AFG3L2: variants seen among roughly 807,000 people sequenced by gnomAD.
The protein encoded by AFG3L2 is AFG3 like matrix AAA peptidase subunit 2.
AFG3L2 carries 54 observed loss-of-function variants against 94.5 expected under a neutral mutation model. That is an observed-to-expected ratio of 0.57 (90% CI 0.46 to 0.72). The LOEUF is 0.72. Ranked by LOEUF, AFG3L2 falls within the 30% of genes least tolerant of loss-of-function variation. The pLI, the probability that AFG3L2 is intolerant of heterozygous loss-of-function variation, is 0.00. For synonymous variants in AFG3L2, 377 were observed against 365.5 expected, an observed-to-expected ratio of 1.03 and a Z score of -0.36; for missense variants, 754 against 994.9, an observed-to-expected ratio of 0.76 and a Z score of 3.26.
At chr18:12,373,713 G>A (rs1002667022) in intron 1 of AFG3L2, among the ~76,000 whole-genome samples, 2 of 152,134 alleles carry the variant, frequency 1.3e-5, no homozygotes, top group Non-Finnish European at 2.9e-5. Flanking sequence ...GGCAGGAGAA[G>A]GTGCTACATC....
Position 12,344,697 on chromosome 18 carries a change from G to A in AFG3L2, c.1664-450C>T, listed in dbSNP as rs868640721. On this transcript the variant is annotated intron_variant, in intron 13 of 16. Transcript: ENST00000269143. ...TCAAAAAAAAAAAAAATTAAATTAA[G>A]TTAAAAATTTTTTTAAAAAATTAAA... 4.1e-3 allele frequency among the ~76,000 whole-genome samples: 595 copies of A among 144,378 alleles called. 2 individuals are homozygous for A. The highest frequency in any genetic ancestry group is 0.017 in the African/African-American group (576 of 34,572). The allele number at this position is 144,378 out of a possible 152,430, so 94.7% of individuals were successfully genotyped here.
chr18:12,334,494 A>G (rs530676052), intron 16 of AFG3L2, among the ~76,000 whole-genome samples: 153 of 152,210 alleles, frequency 1.0e-3, no homozygotes, highest in African/African-American at 3.6e-3. Flanking sequence ...ACCTCTGTTC[A>G]TATTCTGATT....
At chr18:12,333,066 T>A (rs1162589929) in intron 16 of AFG3L2, among the ~76,000 whole-genome samples, 7 of 5,054 alleles carry the variant, frequency 1.4e-3, no homozygotes, top group South Asian at 0.033. Context: ...GATTATAATC[T>A]ATTATATAAC....
intron 9 of AFG3L2, among the ~76,000 whole-genome samples, chr18:12,353,575 C>T (rs1477371624): frequency 1.4e-5 from 2 of 146,656 alleles, no homozygotes; most frequent in African/African-American, 2.5e-5. Context: ...CATGTGCAGA[C>T]AATCTTTTTG....
At position 12,371,633 on chromosome 18, in the gene AFG3L2, A is replaced by G. The variant is rs779882681; in HGVS notation, c.173T>C (p.Ile58Thr). The G allele has an allele frequency of 1.3e-5, 21 of 1,614,016 alleles. No homozygotes were observed. The African/African-American group carries it at 1.9e-4, about 14-fold the overall frequency. ...RASRNSLLTD[I>T]IAAYQRFCSR... Reference sequence around the variant, plus strand: ...ACAGAATCTTTGATAAGCAGCAATTATATCTGTCAAAAGAGAATTTCTGCT... The same window carrying G: ...ACAGAATCTTTGATAAGCAGCAATTGTATCTGTCAAAAGAGAATTTCTGCT... Residue 58 changes from isoleucine (I) to threonine (T), a missense_variant, in exon 2 of 17, where the codon ATA becomes ACA. Coordinates refer to ENST00000269143, the MANE Select transcript of AFG3L2 (RefSeq NM_006796.3).
intron 7 of AFG3L2, among the ~76,000 whole-genome samples, chr18:12,359,308 G>A (rs1231366028): frequency 6.6e-6 from 1 of 152,138 alleles, no homozygotes; most frequent in Non-Finnish European, 1.5e-5. Flanking sequence ...GGCACTCTTT[G>A]ATACAAAGGG....
intron 16 of AFG3L2, among the ~76,000 whole-genome samples, chr18:12,331,658 G>A (rs2143082164): frequency 6.6e-6 from 1 of 152,204 alleles, no homozygotes; most frequent in African/African-American, 2.4e-5. Context: ...GCCTGGCGTT[G>A]TGGCACCTGC....
intron 16 of AFG3L2, among the ~76,000 whole-genome samples, chr18:12,334,212 A>G (rs984965447): frequency 4.6e-5 from 7 of 152,196 alleles, no homozygotes; most frequent in African/African-American, 1.7e-4. Flanking sequence ...CACGTGGCTC[A>G]TTCTCTCTGA....
chr18:12,371,774 A>T (rs1040221454), intron 1 of AFG3L2, 83 bp from the exon 2 acceptor site: 71 of 1,114,758 alleles, frequency 6.4e-5, no homozygotes, highest in Non-Finnish European at 8.9e-5. Flanking sequence ...CATAAAGTAG[A>T]TGAAAGGTCT....
intron 8 of AFG3L2, among the ~76,000 whole-genome samples, chr18:12,357,042 G>C (rs183122850): frequency 6.6e-6 from 1 of 152,234 alleles, no homozygotes; most frequent in East Asian, 1.9e-4. Context: ...AATTTGGTAA[G>C]AATGTGAAAT....
At chr18:12,333,107 AACTATTATATAATAGATTATATATATAAT>A (rs1907619704) in intron 16 of AFG3L2, among the ~76,000 whole-genome samples, 2 of 59,018 alleles carry the variant, frequency 3.4e-5, no homozygotes, top group Admixed American at 5.6e-4. Context: ...TCTATTATAT[AACTATTATATAATAGATTATATATATAAT>A]ATATATAATA....
chr18:12,367,738 T>A (rs897887870), intron 3 of AFG3L2, among the ~76,000 whole-genome samples: 1 of 152,198 alleles, frequency 6.6e-6, no homozygotes, highest in Admixed American at 6.6e-5. Flanking sequence ...TGCAAATTCC[T>A]CAGTCCCCAC....
At chr18:12,362,163 T>C (rs891955802) in intron 6 of AFG3L2, among the ~76,000 whole-genome samples, 1 of 152,218 alleles carries the variant, frequency 6.6e-6, no homozygotes, top group African/African-American at 2.4e-5. Flanking sequence ...CATTTAAGCA[T>C]TAAGCCCTTC....
intron 3 of AFG3L2, among the ~76,000 whole-genome samples, chr18:12,368,416 A>T (rs1007163355): frequency 6.6e-6 from 1 of 152,084 alleles, no homozygotes; most frequent in Non-Finnish European, 1.5e-5. Flanking sequence ...CACTCCCACA[A>T]AGTATACATT....
chr18:12,331,796 A>C (rs1243150139), intron 16 of AFG3L2, among the ~76,000 whole-genome samples: 1 of 145,794 alleles, frequency 6.9e-6, no homozygotes, highest in African/African-American at 2.7e-5. Flanking sequence ...TCTGTCTAAA[A>C]GTAAATAAAT....
chr18:12,347,712 G>A (rs1908189648), intron 13 of AFG3L2, among the ~76,000 whole-genome samples: 1 of 151,996 alleles, frequency 6.6e-6, no homozygotes, highest in Non-Finnish European at 1.5e-5. Context: ...CACCATGCCT[G>A]GCTAATCTTT....
chr18:12,374,957 G>A (rs1161012120), intron 1 of AFG3L2, among the ~76,000 whole-genome samples: 2 of 151,596 alleles, frequency 1.3e-5, no homozygotes, highest in East Asian at 3.9e-4. Flanking sequence ...TCGGGAGGCT[G>A]AGGCAGGAGA....
chr18:12,348,521 G>C (rs1290831693), intron 12 of AFG3L2, 138 bp from the exon 13 acceptor site: 5 of 730,146 alleles, frequency 6.8e-6, no homozygotes, highest in Non-Finnish European at 1.2e-5. Flanking sequence ...ATATAATTCT[G>C]TTTTGACTCA....
Position 12,358,894 on chromosome 18 carries a change from G to GC in AFG3L2, c.801dup (p.Leu268AlafsTer35). ...GCAGGCCCTCTTCTGATGGTGTAGA[G>GC]CAAGAAGGCGATGATGAGCACCGTA... On this transcript the variant is annotated frameshift_variant, in exon 8 of 17. Transcript: ENST00000269143. LOFTEE classifies it high-confidence loss of function. 6.2e-7 allele frequency: 1 copy of GC among 1,614,018 alleles called. No individual in the cohort carries two copies. The highest frequency in any genetic ancestry group is 8.5e-7 in the Non-Finnish European group (1 of 1,179,980).
Sources: allele counts gnomAD v4.1 joint callset (sites outside exome capture counted in the v4.1 genomes callset), GRCh38; gene constraint gnomAD v4.1.1; transcripts MANE v1.5; gene names NCBI Gene and HGNC (gene_info 2026-07-23, HGNC 2026-07-21).